Variants in ADAMTS20 observed in about 807,000 individuals in gnomAD.
ADAMTS20 encodes the protein A disintegrin and metalloproteinase with thrombospondin motifs 20.
A neutral mutation model predicts 260.1 loss-of-function variants in ADAMTS20; 225 were observed. That is an observed-to-expected ratio of 0.87 (90% CI 0.78 to 0.97). The LOEUF is 0.97. Ranked by LOEUF, ADAMTS20 falls within the 50% of genes least tolerant of loss-of-function variation. ADAMTS20 has a pLI of 0.00. For missense variants in ADAMTS20, 2,400 were observed against 2,337.7 expected, an observed-to-expected ratio of 1.03 and a Z score of -0.55; for synonymous variants, 802 against 769.5, an observed-to-expected ratio of 1.04 and a Z score of -0.70.
Position 43,427,306 on chromosome 12 carries a change from A to ACTT in ADAMTS20, c.4106_4107+1dup. 6.2e-7 allele frequency: 1 copy of ACTT among 1,610,970 alleles called. No homozygotes were observed. Among genetic ancestry groups the ACTT allele is most frequent in the South Asian group, 1.1e-5 (1 of 90,400 alleles). ...ACAAGTTTAGAAAATATTATGACTT[A>ACTT]CTTCTCCCCAATTTCCGTAGTTCCA... On this transcript the variant is annotated splice_donor_variant, in intron 27 of 38. Coordinates refer to ENST00000389420, the MANE Select transcript of ADAMTS20 (RefSeq NM_025003.5). LOFTEE classifies it high-confidence loss of function.
At chr12:43,406,911 T>G (rs1227955489) in intron 28 of ADAMTS20, among the ~76,000 whole-genome samples, 1 of 151,920 alleles carries the variant, frequency 6.6e-6, no homozygotes, top group Non-Finnish European at 1.5e-5. Context: ...AAGACTAGAG[T>G]GTCAACTCTA....
At chr12:43,547,371 T>C (rs557054162) in intron 2 of ADAMTS20, among the ~76,000 whole-genome samples, 1 of 151,912 alleles carries the variant, frequency 6.6e-6, no homozygotes, top group Admixed American at 6.6e-5. Context: ...GGAAAGGCAA[T>C]GGAGGCAAAG....
intron 6 of ADAMTS20, among the ~76,000 whole-genome samples, chr12:43,491,913 C>A (rs557729049): frequency 1.3e-5 from 2 of 152,128 alleles, no homozygotes; most frequent in Admixed American, 6.5e-5. Context: ...TCACTAATAT[C>A]GTAAGGAAAT....
intron 14 of ADAMTS20, 41 bp downstream of exon 14, chr12:43,452,233 A>G (rs780652700): frequency 5.8e-6 from 9 of 1,544,662 alleles, no homozygotes; most frequent in Non-Finnish European, 7.8e-6. Context: ...CATTATTCTT[A>G]AAGTCACTTT....
chr12:43,439,330 T>C (rs954323377), intron 18 of ADAMTS20, among the ~76,000 whole-genome samples: 1 of 152,104 alleles, frequency 6.6e-6, no homozygotes, highest in African/African-American at 2.4e-5. Flanking sequence ...ATATATAAGT[T>C]AGAGAAACTT....
At chr12:43,414,544 G>T (rs1263371695) in intron 28 of ADAMTS20, among the ~76,000 whole-genome samples, 1 of 152,006 alleles carries the variant, frequency 6.6e-6, no homozygotes, top group Non-Finnish European at 1.5e-5. Context: ...GTGGACAAAA[G>T]ACTTCCATAG....
At chr12:43,497,452 A>C (rs1942693414) in intron 4 of ADAMTS20, among the ~76,000 whole-genome samples, 1 of 152,176 alleles carries the variant, frequency 6.6e-6, no homozygotes, top group Non-Finnish European at 1.5e-5. Flanking sequence ...TTTGACAAAC[A>C]AATTTTGTTT....
intron 28 of ADAMTS20, among the ~76,000 whole-genome samples, chr12:43,421,296 A>AAAAAAC (rs1284562064): frequency 6.6e-6 from 1 of 151,580 alleles, no homozygotes; most frequent in African/African-American, 2.4e-5. Flanking sequence ...AAAAAAAAAA[A>AAAAAAC]AACTTTCTCT....
intron 3 of ADAMTS20, among the ~76,000 whole-genome samples, chr12:43,529,117 G>C (rs1263819701): frequency 6.6e-6 from 1 of 152,132 alleles, no homozygotes; most frequent in Non-Finnish European, 1.5e-5. Flanking sequence ...CCTTGCTCCT[G>C]TAAGAATGGC....
intron 2 of ADAMTS20, among the ~76,000 whole-genome samples, chr12:43,538,681 C>T (rs562329889): frequency 6.6e-5 from 10 of 152,164 alleles, no homozygotes; most frequent in Middle Eastern, 3.4e-3. Flanking sequence ...CTATTTTAAC[C>T]GAACATTTAA....
chr12:43,475,114 C>T (rs1942329399), intron 7 of ADAMTS20, among the ~76,000 whole-genome samples: 1 of 114,590 alleles, frequency 8.7e-6, no homozygotes. Context: ...CCAAAATCTC[C>T]TTAAGCTGAT....
chr12:43,393,266 G>A (rs968221166), intron 29 of ADAMTS20, among the ~76,000 whole-genome samples: 1 of 151,798 alleles, frequency 6.6e-6, no homozygotes, highest in African/African-American at 2.4e-5. Context: ...GTCAAATTTC[G>A]TTTTTTTAAA....
chr12:43,453,128 T>A (rs1042695575), intron 12 of ADAMTS20, among the ~76,000 whole-genome samples: 2 of 152,206 alleles, frequency 1.3e-5, no homozygotes, highest in Non-Finnish European at 2.9e-5. Flanking sequence ...AGGAGTTTTA[T>A]GGTATCAATC....
intron 2 of ADAMTS20, among the ~76,000 whole-genome samples, chr12:43,547,449 G>C (rs1943455465): frequency 6.6e-6 from 1 of 152,164 alleles, no homozygotes; most frequent in Non-Finnish European, 1.5e-5. Context: ...GAAACAGAAG[G>C]CATATTGCAT....
In ADAMTS20 at chr12:43,551,111, G is replaced by T; in HGVS notation, c.251C>A (p.Ala84Asp). 3.1e-6 allele frequency: 5 copies of T among 1,613,976 alleles called. No homozygotes were observed. Among genetic ancestry groups the T allele is most frequent in the Non-Finnish European group, 4.2e-6 (5 of 1,179,882 alleles). Residue 84 changes from alanine to aspartate, a missense_variant, in exon 2 of 39, where the codon GCC (alanine) becomes GAC (aspartate). Transcript: ENST00000389420. This position sits in a 1 kb window ranked among gnomAD's most constrained non-coding sequence, Gnocchi z 4.6. ...GTTCAGCTGGAAGAGCTGCCCGTAG[G>T]CAGTGAAGCGATAGTGGGTTCGGAA... ...MPFRTHYRFT[A>D]YGQLFQLNLT...
At chr12:43,417,516 G>A (rs1350882085) in intron 28 of ADAMTS20, among the ~76,000 whole-genome samples, 2 of 152,130 alleles carry the variant, frequency 1.3e-5, no homozygotes, top group East Asian at 1.9e-4. Flanking sequence ...TACAATCTAG[G>A]GGGTGAGGAT....
intron 2 of ADAMTS20, among the ~76,000 whole-genome samples, chr12:43,546,665 T>C (rs1315543205): frequency 6.6e-6 from 1 of 152,172 alleles, no homozygotes; most frequent in Non-Finnish European, 1.5e-5. Flanking sequence ...GAGTTGGATA[T>C]AGGGATATTA....
At chr12:43,486,623 T>A (rs1043360185) in intron 7 of ADAMTS20, among the ~76,000 whole-genome samples, 1 of 151,988 alleles carries the variant, frequency 6.6e-6, no homozygotes, top group African/African-American at 2.4e-5. Flanking sequence ...AAAGAAATAA[T>A]CATCAGAGTA....
intron 4 of ADAMTS20, among the ~76,000 whole-genome samples, chr12:43,501,481 G>GCGCGCGCACACACACACACACACACA (rs373746834): frequency 3.1e-4 from 37 of 117,844 alleles, no homozygotes; most frequent in Admixed American, 1.2e-3. Context: ...GCGCGCGCGC[G>GCGCGCGCACACACACACACACACACA]CACACACACA....
Sources: allele counts gnomAD v4.1 joint callset (sites outside exome capture counted in the v4.1 genomes callset), GRCh38; gene constraint gnomAD v4.1.1; non-coding constraint Gnocchi (gnomAD v3.1); transcripts MANE v1.5; gene names NCBI Gene and HGNC (gene_info 2026-07-23, HGNC 2026-07-21).